The following SLC16A14 variants were observed in gnomAD, a reference collection of about 807,000 sequenced individuals.
SLC16A14 encodes solute carrier family 16 member 14, also known as monocarboxylate transporter 14.
SLC16A14 carries 14 observed loss-of-function variants against 35.8 expected under a neutral mutation model. That is an observed-to-expected ratio of 0.39 (90% confidence interval 0.26 to 0.61). SLC16A14 has a LOEUF of 0.61. Ranked by LOEUF, SLC16A14 falls within the 20% of genes least tolerant of loss-of-function variation. The probability of loss-of-function intolerance (pLI) is 0.51; values close to 1 mark genes in which losing one functional copy is unlikely to be tolerated. For synonymous variants in SLC16A14, 248 were observed against 258.9 expected (o/e 0.96, Z 0.40); for missense variants, 533 against 655.0 (o/e 0.81, Z 2.03).
intron 3 of SLC16A14, among the ~76,000 whole-genome samples, chr2:230,048,429 G>T (rs2077627023): frequency 6.6e-6 from 1 of 152,208 alleles, no homozygotes; most frequent in South Asian, 2.1e-4. Flanking sequence ...TCATCTGTGT[G>T]AATCACACTA....
In SLC16A14 at chr2:230,046,546, T is replaced by C. The variant is rs2077609353; in HGVS notation, c.580A>G (p.Ile194Val). The C allele has an allele frequency of 3.1e-6, 5 of 1,614,176 alleles. No homozygotes were observed. Among genetic ancestry groups the C allele is most frequent in the Non-Finnish European group, 4.2e-6 (5 of 1,180,034 alleles). ...AEYGWRNAMLIQGAVSLNLCV... is the reference protein window; with the variant it reads ...AEYGWRNAMLVQGAVSLNLCV... ...AGGTTTAGGGAAACGGCACCTTGGA[T>C]CAACATGGCATTCCTCCAGCCGTAC... The change falls in exon 4 of 5, where the codon ATC (isoleucine) becomes GTC (valine). Residue 194 changes from isoleucine to valine, a missense_variant. By Grantham distance (29) the Ile-to-Val change is conservative (BLOSUM62 3). Transcript: ENST00000295190. This position sits in a 1 kb window ranked among gnomAD's most constrained non-coding sequence, Gnocchi z 5.0.
At chr2:230,053,779 T>TA (rs965723780) in intron 2 of SLC16A14, among the ~76,000 whole-genome samples, 13 of 150,706 alleles carry the variant, frequency 8.6e-5, no homozygotes, top group African/African-American at 3.2e-4. Context: ...CGACTTCATC[T>TA]AAAAAAAAAA....
chr2:230,063,468 T>C (rs1317463689), intron 1 of SLC16A14, among the ~76,000 whole-genome samples: 1 of 152,086 alleles, frequency 6.6e-6, no homozygotes, highest in Non-Finnish European at 1.5e-5. Context: ...TAATTTATAA[T>C]AGTGAAACCC....
At chr2:230,052,186 C>T (rs6436896) in intron 2 of SLC16A14, among the ~76,000 whole-genome samples, 130,651 of 152,056 alleles carry the variant, frequency 0.86, 57,015 homozygotes, top group East Asian at 0.99. Context: ...CCGCCCGTCT[C>T]GGCCTCCCAA....
At chr2:230,040,021 T>G (rs2077547810) in intron 4 of SLC16A14, among the ~76,000 whole-genome samples, 1 of 152,136 alleles carries the variant, frequency 6.6e-6, no homozygotes. Context: ...TGTTAGCATC[T>G]CAAATACATT....
intron 4 of SLC16A14, among the ~76,000 whole-genome samples, chr2:230,039,065 G>T (rs561086019): frequency 6.6e-6 from 1 of 151,712 alleles, no homozygotes; most frequent in South Asian, 2.1e-4. Context: ...AAGCAACCAG[G>T]AAAGGTGTAA....
At chr2:230,040,517 C>G (rs2077552810) in intron 4 of SLC16A14, among the ~76,000 whole-genome samples, 1 of 152,082 alleles carries the variant, frequency 6.6e-6, no homozygotes, top group South Asian at 2.1e-4. Flanking sequence ...CCACTGTTCC[C>G]GGCCAAATTC....
rs550298176 is a variant in SLC16A14 at position 230,050,037 on chromosome 2, T to C, written c.260-133A>G. The C allele has an allele frequency of 3.9e-6, 4 of 1,018,396 alleles. No homozygotes were observed. In the East Asian group the frequency reaches 1.1e-4, roughly 27 times the overall value. The allele number at this position is 1,018,396 out of a possible 1,614,324, so 63.1% of individuals were successfully genotyped here. Reference sequence around the variant, plus strand: ...ATGACACAAAAAGCCCCCATTGCTTTATATGCCAAACATTTTTAGCATGCA... The same window carrying C: ...ATGACACAAAAAGCCCCCATTGCTTCATATGCCAAACATTTTTAGCATGCA... On this transcript the variant is annotated intron_variant, in intron 2 of 4. Transcript: ENST00000295190.
At position 230,059,161 on chromosome 2, in the gene SLC16A14, T is replaced by C. The variant is rs771375069; in HGVS notation, c.192A>G (p.Glu64=). 1.9e-6 allele frequency: 3 copies of C among 1,614,038 alleles called. No homozygotes were observed. The East Asian group carries it at 6.7e-5, about 36-fold the overall frequency. The part of the protein sequence containing the change: ...LGVLNVEWLE[E]FHQSRGLTAW... ...CGGTCAGGCCGCGGCTCTGGTGGAA[T>C]TCTTCCAGCCATTCCACGTTGAGGA... is the stretch of plus-strand genomic sequence containing the variant. Residue 64 remains glutamate (E), a synonymous_variant, in exon 2 of 5, where the codon GAA becomes GAG. Coordinates refer to ENST00000295190, the MANE Select transcript of SLC16A14 (RefSeq NM_152527.5).
chr2:230,062,430 C>T (rs568297158), intron 1 of SLC16A14, among the ~76,000 whole-genome samples: 1 of 150,042 alleles, frequency 6.7e-6, no homozygotes, highest in South Asian at 2.1e-4. Context: ...CTCACTGCAG[C>T]CTTGAACTAG....
At chr2:230,056,313 G>A (rs2077704106) in intron 2 of SLC16A14, among the ~76,000 whole-genome samples, 1 of 147,200 alleles carries the variant, frequency 6.8e-6, no homozygotes, top group Non-Finnish European at 1.5e-5. Flanking sequence ...GGAGTGCAGT[G>A]GCGCCATCTC....
intron 3 of SLC16A14, among the ~76,000 whole-genome samples, chr2:230,047,417 A>G (rs563298120): frequency 2.7e-5 from 4 of 148,208 alleles, no homozygotes; most frequent in Non-Finnish European, 5.9e-5. Flanking sequence ...GGCTCAGATG[A>G]TCCTCTCACC....
Position 230,036,125 on chromosome 2 carries a change from A to T in SLC16A14, c.*1255T>A, listed in dbSNP as rs1174584103. On this transcript the variant is annotated 3_prime_UTR_variant, in exon 5 of 5. Transcript: ENST00000295190. ...TTAAATAGTCTTAAACTATCTGTAA[A>T]CAAGTAAGGCAGCCAGAAATTTCAA... is the stretch of plus-strand genomic sequence containing the variant. 6.6e-6 allele frequency: 1 copy of T among 152,630 alleles called. No individual in the cohort carries two copies. Among genetic ancestry groups the T allele is most frequent in the Non-Finnish European group, 1.5e-5 (1 of 68,032 alleles). The allele number at this position is 152,630 out of a possible 1,614,324, so 9.5% of individuals were successfully genotyped here. A position where few individuals can be genotyped will look rare whatever the true frequency, so the allele number is the denominator to read the frequency against.
chr2:230,051,403 T>A (rs1414614663), intron 2 of SLC16A14, among the ~76,000 whole-genome samples: 1 of 152,196 alleles, frequency 6.6e-6, no homozygotes, highest in Non-Finnish European at 1.5e-5. Context: ...TCAAGGGATC[T>A]GTCTGCCTTG....
chr2:230,049,661 C>G, intron 3 of SLC16A14, 100 bp downstream of exon 3: 1 of 1,289,030 alleles, frequency 7.8e-7, no homozygotes, highest in Non-Finnish European at 1.1e-6. Context: ...GGAAACAGAA[C>G]AGAATGTTTT....
intron 2 of SLC16A14, among the ~76,000 whole-genome samples, chr2:230,052,908 T>TC (rs1050289887): frequency 5.3e-5 from 8 of 150,330 alleles, no homozygotes; most frequent in African/African-American, 1.2e-4. Flanking sequence ...TCCTCCCTCC[T>TC]CCCCCCCTTC....
intron 4 of SLC16A14, among the ~76,000 whole-genome samples, chr2:230,039,536 G>A (rs920438841): frequency 6.6e-6 from 1 of 152,150 alleles, no homozygotes; most frequent in African/African-American, 2.4e-5. Context: ...TGGCAACTGT[G>A]GACCATTGTG....
intron 2 of SLC16A14, among the ~76,000 whole-genome samples, chr2:230,051,853 T>G (rs1432226619): frequency 6.6e-6 from 1 of 152,214 alleles, no homozygotes; most frequent in Non-Finnish European, 1.5e-5. Context: ...AGGTGAAGAC[T>G]TATTAATTTA....
chr2:230,067,534 TTCTC>T (rs145179402), intron 1 of SLC16A14, among the ~76,000 whole-genome samples: 24,833 of 128,112 alleles, frequency 0.19, 2,414 homozygotes, highest in Middle Eastern at 0.25. Context: ...CTCCCCTCTC[TTCTC>T]TCTCTCTCTC....
Sources: gnomAD v4.1 joint callset for allele counts (sites outside exome capture counted in the v4.1 genomes callset) on GRCh38, gnomAD v4.1.1 for gene constraint, Gnocchi (gnomAD v3.1) non-coding constraint, MANE v1.5 for transcripts, NCBI Gene and HGNC (gene_info 2026-07-23, HGNC 2026-07-21) for gene names.